Variants in PIP5K1B observed in about 807,000 individuals in gnomAD.
PIP5K1B encodes phosphatidylinositol-4-phosphate 5-kinase type 1 beta, also known as phosphatidylinositol 4-phosphate 5-kinase type-1 beta.
Under a neutral mutation model 67.0 loss-of-function variants are expected in PIP5K1B, and 42 were observed. The observed-to-expected ratio is 0.63, with a 90% confidence interval of 0.49 to 0.81. PIP5K1B has a LOEUF of 0.81. Ranked by LOEUF, PIP5K1B falls within the 30% of genes least tolerant of loss-of-function variation. The probability of loss-of-function intolerance (pLI) is 0.00; values close to 1 mark genes in which losing one functional copy is unlikely to be tolerated. For missense variants in PIP5K1B, 459 were observed against 646.3 expected (o/e 0.71, Z 3.14); for synonymous variants, 214 against 231.4 (o/e 0.92, Z 0.68).
chr9:68,924,569 T>G (rs1826586867), intron 12 of PIP5K1B, among the ~76,000 whole-genome samples: 1 of 152,012 alleles, frequency 6.6e-6, no homozygotes, highest in African/African-American at 2.4e-5. Flanking sequence ...ATATTGATAT[T>G]TATTAAATTT....
intron 5 of PIP5K1B, 36 bp from the exon 6 acceptor site, chr9:68,876,641 C>A (rs761276194): frequency 8.6e-7 from 1 of 1,161,790 alleles, no homozygotes; most frequent in Non-Finnish European, 1.3e-6. Flanking sequence ...CTAATGTGTT[C>A]TTTCTTTCTC....
At chr9:68,724,877 C>T (rs958602868) in intron 1 of PIP5K1B, among the ~76,000 whole-genome samples, 7 of 152,006 alleles carry the variant, frequency 4.6e-5, no homozygotes, top group African/African-American at 1.7e-4. Flanking sequence ...TTTTATTCTC[C>T]TCTAGAAGAA....
intron 5 of PIP5K1B, among the ~76,000 whole-genome samples, chr9:68,874,185 A>G (rs1823763733): frequency 6.6e-6 from 1 of 152,206 alleles, no homozygotes; most frequent in Non-Finnish European, 1.5e-5. Context: ...CTCTGTTTAT[A>G]CAAATATAAT....
chr9:68,831,445 T>C (rs972986282), intron 4 of PIP5K1B, among the ~76,000 whole-genome samples: 1 of 152,202 alleles, frequency 6.6e-6, no homozygotes, highest in African/African-American at 2.4e-5. Context: ...GTTAATTAAA[T>C]GCTCCAGGGC....
chr9:68,730,339 G>A (rs976380979), intron 1 of PIP5K1B, among the ~76,000 whole-genome samples: 1 of 152,126 alleles, frequency 6.6e-6, no homozygotes, highest in East Asian at 1.9e-4. Context: ...CACCTGATAC[G>A]AACAGCCAGG....
intron 14 of PIP5K1B, among the ~76,000 whole-genome samples, chr9:68,978,748 C>A (rs1829749221): frequency 1.3e-5 from 2 of 152,168 alleles, no homozygotes; most frequent in South Asian, 4.1e-4. Context: ...ATGCAGAAAT[C>A]TTTGTAGTTC....
chr9:68,732,620 G>T (rs546282324), intron 1 of PIP5K1B, among the ~76,000 whole-genome samples: 2 of 152,170 alleles, frequency 1.3e-5, no homozygotes, highest in Non-Finnish European at 2.9e-5. Flanking sequence ...AACCAGATAC[G>T]TGGGTCTGGT....
At chr9:68,805,416 T>G (rs1310726292) in intron 2 of PIP5K1B, among the ~76,000 whole-genome samples, 2 of 152,218 alleles carry the variant, frequency 1.3e-5, no homozygotes, top group Non-Finnish European at 2.9e-5. Flanking sequence ...TAGCTAAAAA[T>G]AGTCATCACA....
chr9:68,891,546 A>C (rs1253606774), intron 7 of PIP5K1B, among the ~76,000 whole-genome samples: 1 of 152,118 alleles, frequency 6.6e-6, no homozygotes, highest in Non-Finnish European at 1.5e-5. Context: ...AAATACAAGA[A>C]TCCTTTCTCT....
chr9:68,916,850 C>T (rs899933778), intron 8 of PIP5K1B, among the ~76,000 whole-genome samples: 6 of 149,318 alleles, frequency 4.0e-5, no homozygotes, highest in Admixed American at 2.0e-4. Context: ...CCAGCCTGGG[C>T]GACAGGGCGA....
At position 68,748,613 on chromosome 9, in the gene PIP5K1B, CTTTTTTTTT is replaced by C. The variant is rs58954806; in HGVS notation, c.-86+5969_-86+5977del. ...GGCGGCTGAGTTTCAGATTTCTTTT[CTTTTTTTTT>C]TTTTTTTTTTTTGTTTGAGACAGAG... On this transcript the variant is annotated intron_variant, in intron 2 of 15. Coordinates refer to ENST00000265382, the MANE Select transcript of PIP5K1B (RefSeq NM_003558.4). Among the ~76,000 whole-genome samples, 2 of 98,300 alleles carry C rather than the reference CTTTTTTTTT, an allele frequency of 2.0e-5. 1 individual carries two copies. The highest frequency in any genetic ancestry group is 2.5e-4 in the Admixed American group (2 of 7,988). The allele number at this position is 98,300 out of a possible 152,430, so 64.5% of individuals were successfully genotyped here. A position where few individuals can be genotyped will look rare whatever the true frequency, so the allele number is the denominator to read the frequency against.
At chr9:69,001,588 A>T (rs779408107) in intron 15 of PIP5K1B, among the ~76,000 whole-genome samples, 2 of 152,168 alleles carry the variant, frequency 1.3e-5, no homozygotes, top group African/African-American at 4.8e-5. Flanking sequence ...AGCCAGGCAC[A>T]TCTTACTTAG....
intron 2 of PIP5K1B, among the ~76,000 whole-genome samples, chr9:68,763,513 C>G (rs1476010913): frequency 6.6e-6 from 1 of 152,000 alleles, no homozygotes; most frequent in East Asian, 1.9e-4. Context: ...AATGATATTA[C>G]ATGAGGTTGA....
At chr9:68,933,669 A>G (rs1418090608) in intron 12 of PIP5K1B, among the ~76,000 whole-genome samples, 1 of 152,164 alleles carries the variant, frequency 6.6e-6, no homozygotes, top group African/African-American at 2.4e-5. Context: ...TTCCTCATAC[A>G]TGTGGATGGT....
intron 14 of PIP5K1B, among the ~76,000 whole-genome samples, chr9:68,978,727 A>G (rs963686085): frequency 3.9e-5 from 6 of 152,342 alleles, no homozygotes; most frequent in African/African-American, 1.4e-4. Context: ...TAAAATTTAT[A>G]TATAGTAAAA....
chr9:68,799,569 G>T (rs770572007), intron 2 of PIP5K1B, among the ~76,000 whole-genome samples: 5 of 151,896 alleles, frequency 3.3e-5, no homozygotes, highest in Non-Finnish European at 7.4e-5. Flanking sequence ...ATAGAATAGA[G>T]GCCCCAGAAA....
At chr9:68,715,711 A>G (rs2132249206) in intron 1 of PIP5K1B, among the ~76,000 whole-genome samples, 1 of 152,318 alleles carries the variant, frequency 6.6e-6, no homozygotes, top group Admixed American at 6.5e-5. Flanking sequence ...AATGAATACC[A>G]ATACTTCTAC....
chr9:68,957,778 G>A (rs923429254), intron 14 of PIP5K1B, among the ~76,000 whole-genome samples: 2 of 152,170 alleles, frequency 1.3e-5, no homozygotes, highest in Non-Finnish European at 2.9e-5. Flanking sequence ...CTACTACAGA[G>A]GCAGGCCAGA....
chr9:68,864,383 G>C (rs548473853), intron 5 of PIP5K1B, among the ~76,000 whole-genome samples: 1 of 152,278 alleles, frequency 6.6e-6, no homozygotes. Flanking sequence ...GCCCATAATT[G>C]GGCCTCAAAT....
Sources: gnomAD v4.1 joint callset for allele counts (sites outside exome capture counted in the v4.1 genomes callset) on GRCh38, gnomAD v4.1.1 for gene constraint, MANE v1.5 for transcripts, NCBI Gene and HGNC (gene_info 2026-07-23, HGNC 2026-07-21) for gene names.